Variants in RBM28 observed in about 807,000 individuals in gnomAD.
RBM28 encodes the protein RNA-binding protein 28.
In RBM28, 78 loss-of-function variants were observed where a neutral mutation model predicts 98.3. The ratio of observed to expected loss-of-function variants is 0.79; its 90% CI spans 0.66 to 0.96. The LOEUF (loss-of-function observed/expected upper bound fraction) is 0.96, where lower values mean the gene tolerates loss of function less well. Ranked by LOEUF, RBM28 falls within the 40% of genes least tolerant of loss-of-function variation. RBM28 has a pLI of 0.00. For missense variants in RBM28, 838 were observed against 913.0 expected (o/e 0.92, Z 1.06); for synonymous variants, 306 against 330.9 (o/e 0.92, Z 0.82).
At chr7:128,335,792 TCG>T in intron 7 of RBM28, 53 bp downstream of exon 7, 1 of 1,613,884 alleles carries the variant, frequency 6.2e-7, no homozygotes. Context: ...ATTTTTCCTC[TCG>T]GAGACAATCT....
intron 10 of RBM28, 151 bp downstream of exon 10, chr7:128,330,668 G>A (rs899896020): frequency 4.2e-5 from 29 of 693,770 alleles, no homozygotes; most frequent in South Asian, 1.4e-4. Context: ...CAGCGTGCCC[G>A]GCGTCCCTGG....
chr7:128,341,199 C>G, intron 1 of RBM28: 1 of 1,288,750 alleles, frequency 7.8e-7, no homozygotes, highest in Non-Finnish European at 1.0e-6. Flanking sequence ...CCCTTTGACA[C>G]AGGACACTGA....
intron 10 of RBM28, among the ~76,000 whole-genome samples, chr7:128,328,057 T>C (rs889321074): frequency 6.6e-6 from 1 of 152,180 alleles, no homozygotes; most frequent in Non-Finnish European, 1.5e-5. Flanking sequence ...TGTCCCCTCC[T>C]GCCTCCTATC....
chr7:128,328,795 A>C (rs1796408686), intron 10 of RBM28, among the ~76,000 whole-genome samples: 1 of 152,230 alleles, frequency 6.6e-6, no homozygotes, highest in Non-Finnish European at 1.5e-5. Flanking sequence ...AGCTGCAGGT[A>C]CCTTAAGTGA....
chr7:128,336,001 T>A lies in RBM28; in HGVS notation c.655A>T (p.Lys219Ter). ...TCCTCTTCCTCTCTGCCCTTCTTTT[T>A]AACTGATTCCTGATGTTTAGATTCA... Reference protein sequence around the residue: ...SHESKHQESVKKKGREEEDME... With the variant: ...SHESKHQESV Residue 219 changes from lysine to a stop codon, truncating the protein, a stop_gained, in exon 7 of 19, where the codon AAA becomes TAA. Coordinates refer to ENST00000223073, the MANE Select transcript of RBM28 (RefSeq NM_018077.3). LOFTEE classifies it high-confidence loss of function. 1.2e-6 allele frequency: 2 copies of A among 1,612,182 alleles called. No individual in the cohort carries two copies. Among genetic ancestry groups the A allele is most frequent in the South Asian group, 2.2e-5 (2 of 91,034 alleles).
chr7:128,334,885 C>G (rs1159926182), intron 8 of RBM28, among the ~76,000 whole-genome samples: 2 of 152,082 alleles, frequency 1.3e-5, no homozygotes, highest in East Asian at 3.8e-4. Flanking sequence ...AAAGAGAGAC[C>G]AGAGTTCACT....
In RBM28 at chr7:128,335,846, C is replaced by T. The variant is rs759761222; in HGVS notation, c.809+1G>A. 1.2e-6 allele frequency: 2 copies of T among 1,614,122 alleles called. No homozygotes were observed. The highest frequency in any genetic ancestry group is 1.7e-6 in the Non-Finnish European group (2 of 1,180,028). On this transcript the variant is annotated splice_donor_variant, in intron 7 of 18. Coordinates refer to ENST00000223073, the MANE Select transcript of RBM28 (RefSeq NM_018077.3). LOFTEE classifies it high-confidence loss of function. ...GTCTCAGAACAGGATGAGCTGCTTA[C>T]CTCTTCTGAATTTGCACAGGCTTGG...
At chr7:128,322,046 CA>C (rs10633144) in intron 13 of RBM28, among the ~76,000 whole-genome samples, 44 of 143,848 alleles carry the variant, frequency 3.1e-4, no homozygotes, top group Non-Finnish European at 2.3e-4. Flanking sequence ...GAAATTCGGT[CA>C]AAAAAAAAAA....
At chr7:128,332,663 A>G (rs1182001743) in intron 9 of RBM28, among the ~76,000 whole-genome samples, 1 of 152,202 alleles carries the variant, frequency 6.6e-6, no homozygotes, top group African/African-American at 2.4e-5. Context: ...AATAATTCTA[A>G]AAGATTGTAC....
chr7:128,299,143 C>A lies in RBM28; in HGVS notation c.*11654G>T, dbSNP rs1226614581. 1 of 152,116 alleles carries A rather than the reference C, an allele frequency of 6.6e-6. No homozygotes were observed. Among genetic ancestry groups the A allele is most frequent in the African/African-American group, 2.4e-5 (1 of 41,386 alleles). 9.4% of individuals were successfully genotyped at this position (152,116 alleles called of 1,614,324 possible). A position where few individuals can be genotyped will look rare whatever the true frequency, so the allele number is the denominator to read the frequency against. ...AGGAGGAGAGGTGTGTCACGCCTTG[C>A]AGGGCCACACAGGAAGAACTTGGGT... is the stretch of plus-strand genomic sequence containing the variant. On this transcript the variant is annotated 3_prime_UTR_variant, in exon 19 of 19. Transcript: ENST00000223073.
chr7:128,311,750 C>CA (rs1795990009), intron 18 of RBM28, among the ~76,000 whole-genome samples: 1 of 151,714 alleles, frequency 6.6e-6, no homozygotes, highest in African/African-American at 2.4e-5. Context: ...TGAAAACTAA[C>CA]AGAGAGAGAG....
intron 6 of RBM28, among the ~76,000 whole-genome samples, chr7:128,336,266 A>T (rs1796598718): frequency 1.3e-5 from 2 of 152,196 alleles, no homozygotes; most frequent in Non-Finnish European, 1.5e-5. Flanking sequence ...TGTCCCATTC[A>T]TCAGTCTGAA....
intron 8 of RBM28, among the ~76,000 whole-genome samples, chr7:128,335,078 T>C (rs538159603): frequency 1.9e-4 from 29 of 152,312 alleles, no homozygotes; most frequent in Non-Finnish European, 3.4e-4. Flanking sequence ...GCCACCCAGT[T>C]TATGGTATTT....
chr7:128,339,556 C>T, intron 2 of RBM28, 77 bp downstream of exon 2: 2 of 1,520,368 alleles, frequency 1.3e-6, no homozygotes, highest in African/African-American at 1.4e-5. Context: ...AAGCTACCTC[C>T]ATGCCTCCCT....
rs1202976945 is a variant in RBM28 at position 128,297,999 on chromosome 7, A to AG, written c.*12797dup. ...CTGGGGACTATTGAGGGGTGGGGGG[A>AG]GGGGGGAGGGATAGCATTGGGAGAT... On this transcript the variant is annotated 3_prime_UTR_variant, in exon 19 of 19. Transcript: ENST00000223073. 1.3e-5 allele frequency: 1 copy of AG among 79,336 alleles called. No homozygotes were observed. The highest frequency in any genetic ancestry group is 2.4e-5 in the Non-Finnish European group (1 of 42,182). 4.9% of individuals were successfully genotyped at this position (79,336 alleles called of 1,614,324 possible).
chr7:128,301,203 A>C lies in RBM28; in HGVS notation c.*9594T>G, dbSNP rs1403539180. On this transcript the variant is annotated 3_prime_UTR_variant, in exon 19 of 19. Transcript: ENST00000223073. Reference sequence around the variant, plus strand: ...ACACTGGGGACAAAAGACATCACAGACCCTATCTCCCGTGCTCTTTTACAG... The same window carrying C: ...ACACTGGGGACAAAAGACATCACAGCCCCTATCTCCCGTGCTCTTTTACAG... 6.6e-6 allele frequency: 1 copy of C among 152,160 alleles called. No homozygotes were observed. 9.4% of individuals were successfully genotyped at this position (152,160 alleles called of 1,614,324 possible).
intron 10 of RBM28, 56 bp downstream of exon 10, chr7:128,330,763 G>A: frequency 8.2e-7 from 1 of 1,215,640 alleles, no homozygotes; most frequent in Non-Finnish European, 1.2e-6. Flanking sequence ...AACCTAGTCA[G>A]TGCCCACGGC....
intron 1 of RBM28, 113 bp from the exon 2 acceptor site, chr7:128,339,904 G>C: frequency 8.0e-7 from 1 of 1,243,536 alleles, no homozygotes; most frequent in South Asian, 1.3e-5. Context: ...AGGATATACT[G>C]CCAACCCATC....
intron 2 of RBM28, 116 bp from the exon 3 acceptor site, chr7:128,339,437 G>T: frequency 1.8e-6 from 2 of 1,131,256 alleles, no homozygotes; most frequent in Non-Finnish European, 2.6e-6. Context: ...GTTAAGTGTG[G>T]CAATAATACC....
Sources: gnomAD v4.1 joint callset for allele counts (sites outside exome capture counted in the v4.1 genomes callset) on GRCh38, gnomAD v4.1.1 for gene constraint, MANE v1.5 for transcripts, NCBI Gene and HGNC (gene_info 2026-07-23, HGNC 2026-07-21) for gene names.